Variants in ANXA4 observed in about 807,000 individuals in gnomAD.
ANXA4 encodes the protein 35-beta calcimedin.
In ANXA4, 39 loss-of-function variants were observed where a neutral mutation model predicts 49.8. That is an observed-to-expected ratio of 0.78 (90% CI 0.61 to 1.02). ANXA4 has a LOEUF of 1.02. Among genes scored for constraint, ANXA4 ranks in the 50% least tolerant of loss-of-function variants. ANXA4 has a pLI of 0.00. For missense variants in ANXA4, 360 were observed against 410.1 expected, an observed-to-expected ratio of 0.88 and a Z score of 1.05; for synonymous variants, 134 against 152.5, an observed-to-expected ratio of 0.88 and a Z score of 0.89.
At chr2:69,796,587 G>A (rs932758098) in intron 3 of ANXA4, among the ~76,000 whole-genome samples, 1 of 152,160 alleles carries the variant, frequency 6.6e-6, no homozygotes, top group Non-Finnish European at 1.5e-5. Context: ...GAAAATCGGC[G>A]CAAGTCTCCC....
At chr2:69,810,748 C>A in intron 7 of ANXA4, 75 bp downstream of exon 7, 1 of 1,162,118 alleles carries the variant, frequency 8.6e-7, no homozygotes, top group Non-Finnish European at 1.3e-6. Flanking sequence ...CCTTTCTCAT[C>A]CTTTCAGCCC....
At chr2:69,715,460 G>A (rs1357720142) in intron 2 of ANXA4, among the ~76,000 whole-genome samples, 9 of 152,006 alleles carry the variant, frequency 5.9e-5, no homozygotes, top group Admixed American at 1.3e-4. Context: ...CTCCCACCTC[G>A]GCCTCCCAAA....
At chr2:69,764,424 G>C (rs1671423025) in intron 1 of ANXA4, among the ~76,000 whole-genome samples, 1 of 152,178 alleles carries the variant, frequency 6.6e-6, no homozygotes, top group Non-Finnish European at 1.5e-5. Context: ...TTGAGGAGAG[G>C]ATTTTACTCA....
intron 3 of ANXA4, among the ~76,000 whole-genome samples, chr2:69,789,747 G>C (rs1056710367): frequency 2.0e-5 from 3 of 152,122 alleles, no homozygotes; most frequent in Non-Finnish European, 4.4e-5. Context: ...CTTCTATATA[G>C]AGCAGAGTTT....
At chr2:69,683,773 A>G (rs1451388083) in intron 2 of ANXA4, among the ~76,000 whole-genome samples, 1 of 152,200 alleles carries the variant, frequency 6.6e-6, no homozygotes, top group South Asian at 2.1e-4. Flanking sequence ...GGAACTTATG[A>G]CAACACTTAG....
At chr2:69,762,223 C>G (rs1019409154) in intron 1 of ANXA4, among the ~76,000 whole-genome samples, 16 of 152,132 alleles carry the variant, frequency 1.1e-4, no homozygotes, top group Admixed American at 1.0e-3. Flanking sequence ...GACAGTCTGT[C>G]AAAAGACAGG....
intron 2 of ANXA4, among the ~76,000 whole-genome samples, chr2:69,710,870 C>T (rs1326829484): frequency 1.3e-5 from 2 of 152,144 alleles, no homozygotes; most frequent in East Asian, 3.8e-4. Flanking sequence ...AATGATACAG[C>T]CCCTTTGGAA....
rs114900300 is a variant in ANXA4 at position 69,749,487 on chromosome 2, A to G, written c.-47+7312A>G. Among the ~76,000 whole-genome samples the G allele has an allele frequency of 7.0e-3, 1,059 of 152,298 alleles. 17 individuals are homozygous for G. Among genetic ancestry groups the G allele is most frequent in the African/African-American group, 0.024 (1,001 of 41,554 alleles). ...GTAGAAACAACCTAAACATCAGTAA[A>G]GATCTGGTTAAATTATGGAACATCT... On this transcript the variant is annotated intron_variant, in intron 1 of 12. Transcript: ENST00000394295.
upstream of ANXA4, among the ~76,000 whole-genome samples, chr2:69,741,320 C>T (rs533541283): frequency 2.2e-4 from 34 of 152,300 alleles, no homozygotes; most frequent in African/African-American, 6.5e-4. Flanking sequence ...GACGACCTAG[C>T]CCTAGTTGGT....
In ANXA4 at chr2:69,816,044, C is replaced by T. The variant is rs1051112880; in HGVS notation, c.535-57C>T. On this transcript the variant is annotated intron_variant, in intron 8 of 12. Transcript: ENST00000394295. ...CTCTTTGAGCTTCTGGAAATATTTG[C>T]CTGTGTCCTGGCACATCGTTTTTGG... is the stretch of plus-strand genomic sequence containing the variant. 1.3e-5 allele frequency: 18 copies of T among 1,364,590 alleles called. No individual in the cohort carries two copies. The Admixed American group carries it at 2.9e-4, about 22-fold the overall frequency. 84.5% of individuals were successfully genotyped at this position (1,364,590 alleles called of 1,614,324 possible). A position where few individuals can be genotyped will look rare whatever the true frequency, so the allele number is the denominator to read the frequency against.
intron 1 of ANXA4, among the ~76,000 whole-genome samples, chr2:69,748,101 C>T (rs1670687478): frequency 2.0e-5 from 3 of 152,014 alleles, no homozygotes; most frequent in South Asian, 4.1e-4. Context: ...GCAAGCCAGG[C>T]GCGGTGGCTC....
upstream of ANXA4, among the ~76,000 whole-genome samples, chr2:69,739,403 A>C (rs1670326581): frequency 6.6e-6 from 1 of 151,820 alleles, no homozygotes; most frequent in Non-Finnish European, 1.5e-5. Context: ...TTATTTAAAA[A>C]AGTGGTTTTT....
At chr2:69,657,686 C>T (rs1333748136) in intron 2 of ANXA4, among the ~76,000 whole-genome samples, 2 of 152,082 alleles carry the variant, frequency 1.3e-5, no homozygotes, top group Non-Finnish European at 2.9e-5. Context: ...CTTTTAACTT[C>T]CTGTGAGTAT....
intron 1 of ANXA4, among the ~76,000 whole-genome samples, chr2:69,753,453 T>C (rs1289023509): frequency 6.6e-6 from 1 of 152,226 alleles, no homozygotes; most frequent in Non-Finnish European, 1.5e-5. Context: ...GACTTTTGTG[T>C]ACTTTTGAAT....
chr2:69,803,824 T>G (rs1157145558), intron 3 of ANXA4, among the ~76,000 whole-genome samples: 1 of 151,502 alleles, frequency 6.6e-6, no homozygotes, highest in Non-Finnish European at 1.5e-5. Flanking sequence ...GAGAGGAGAT[T>G]CAAAAGACAT....
chr2:69,748,931 T>A (rs1670733162), intron 1 of ANXA4, among the ~76,000 whole-genome samples: 1 of 152,150 alleles, frequency 6.6e-6, no homozygotes, highest in Non-Finnish European at 1.5e-5. Flanking sequence ...CAGGCTGGTT[T>A]CCAACTCCTG....
At chr2:69,742,582 T>C (rs2105469758) in intron 1 of ANXA4, among the ~76,000 whole-genome samples, 1 of 152,354 alleles carries the variant, frequency 6.6e-6, no homozygotes, top group Middle Eastern at 3.4e-3. Context: ...CTTTACTCCA[T>C]TTAAGAAACT....
intron 3 of ANXA4, 114 bp downstream of exon 3, chr2:69,788,255 G>A (rs1459659268): frequency 1.1e-6 from 1 of 927,614 alleles, no homozygotes; most frequent in East Asian, 2.6e-5. Flanking sequence ...TAAAACACAA[G>A]GGAGGCTGGG....
At chr2:69,680,084 A>C (rs535353899) in intron 2 of ANXA4, among the ~76,000 whole-genome samples, 1 of 152,218 alleles carries the variant, frequency 6.6e-6, no homozygotes, top group South Asian at 2.1e-4. Flanking sequence ...GAATCTGATT[A>C]TTGCTTTGGG....
Sources: gnomAD v4.1 joint callset for allele counts (sites outside exome capture counted in the v4.1 genomes callset) on GRCh38, gnomAD v4.1.1 for gene constraint, MANE v1.5 for transcripts, NCBI Gene and HGNC (gene_info 2026-07-23, HGNC 2026-07-21) for gene names.